The following ARHGAP32 variants were observed in gnomAD, a reference collection of about 807,000 sequenced individuals.
ARHGAP32 encodes the protein Rho GTPase activating protein 32.
Under a neutral mutation model 186.5 loss-of-function variants are expected in ARHGAP32, and 51 were observed. The observed-to-expected ratio is 0.27, with a 90% CI of 0.22 to 0.35. The LOEUF is 0.35. Among genes scored for constraint, ARHGAP32 ranks in the 10% least tolerant of loss-of-function variants. The pLI is 1.00. For missense variants in ARHGAP32, 2,186 were observed against 2,623.5 expected (o/e 0.83, Z 3.64); for synonymous variants, 950 against 964.3 (o/e 0.99, Z 0.27).
intron 5 of ARHGAP32, 78 bp from the exon 6 acceptor site, chr11:129,093,785 C>A: frequency 1.0e-6 from 1 of 964,130 alleles, no homozygotes; most frequent in Non-Finnish European, 1.6e-6. Flanking sequence ...ATTCATAATA[C>A]CTGGAGCATC....
At chr11:128,980,391 AAGCGGTAAGT>A in intron 18 of ARHGAP32, 152 bp downstream of exon 18, 1 of 487,532 alleles carries the variant, frequency 2.1e-6, no homozygotes. Context: ...ATTCCCCATG[AAGCGGTAAGT>A]ATCATCCATA....
intron 5 of ARHGAP32, among the ~76,000 whole-genome samples, chr11:129,108,374 A>G (rs1942109172): frequency 6.6e-6 from 1 of 152,190 alleles, no homozygotes; most frequent in African/African-American, 2.4e-5. Context: ...CAAAATAGAC[A>G]TTAGGACAAA....
chr11:129,278,774 G>C (rs1048360099), intron 1 of ARHGAP32, among the ~76,000 whole-genome samples: 2 of 151,698 alleles, frequency 1.3e-5, no homozygotes, highest in Admixed American at 6.6e-5. Context: ...CGGCTCCTCC[G>C]GGAGCGCCGG....
At chr11:129,207,426 C>G (rs1373134574) in intron 1 of ARHGAP32, among the ~76,000 whole-genome samples, 1 of 152,286 alleles carries the variant, frequency 6.6e-6, no homozygotes, top group African/African-American at 2.4e-5. Context: ...TTAATGATCG[C>G]CATTCTAACT....
chr11:129,246,722 T>C (rs570030820), intron 1 of ARHGAP32, among the ~76,000 whole-genome samples: 3 of 152,210 alleles, frequency 2.0e-5, no homozygotes, highest in Non-Finnish European at 4.4e-5. Flanking sequence ...TTTGGTTTGA[T>C]CCATTTTAGC....
At chr11:129,112,624 C>A (rs1250981871) in intron 5 of ARHGAP32, among the ~76,000 whole-genome samples, 1 of 152,140 alleles carries the variant, frequency 6.6e-6, no homozygotes, top group Non-Finnish European at 1.5e-5. Context: ...AACTCATCTG[C>A]TGCCTCTTGG....
rs1330257353 is a variant in ARHGAP32 at position 128,966,251 on chromosome 11, T to C, written c.*2656A>G. ...GTATAAGGCAGCTCCATTTCCTTGA[T>C]CATAATGCTCCATGTCAAAATTTGA... On this transcript the variant is annotated 3_prime_UTR_variant, in exon 23 of 23. Transcript: ENST00000682385. 1 of 152,240 alleles carries C rather than the reference T, an allele frequency of 6.6e-6. No homozygotes were observed. The highest frequency in any genetic ancestry group is 2.4e-5 in the African/African-American group (1 of 41,462). The allele number at this position is 152,240 out of a possible 1,614,324, so 9.4% of individuals were successfully genotyped here. A position where few individuals can be genotyped will look rare whatever the true frequency, so the allele number is the denominator to read the frequency against.
chr11:129,011,506 A>C (rs973554472), intron 11 of ARHGAP32, among the ~76,000 whole-genome samples: 3 of 152,208 alleles, frequency 2.0e-5, no homozygotes, highest in Admixed American at 2.0e-4. Context: ...GTCATATCTG[A>C]GCTGGAAGCC....
chr11:128,976,086 T>C (rs1481956364), intron 20 of ARHGAP32, among the ~76,000 whole-genome samples: 2 of 150,656 alleles, frequency 1.3e-5, no homozygotes, highest in Non-Finnish European at 3.0e-5. Flanking sequence ...AACATATATA[T>C]ATATATATAT....
At chr11:129,180,456 T>C (rs926062008) in intron 1 of ARHGAP32, among the ~76,000 whole-genome samples, 4 of 152,272 alleles carry the variant, frequency 2.6e-5, no homozygotes, top group African/African-American at 7.2e-5. Context: ...TATCAAGCTG[T>C]ACATTTATGA....
At chr11:129,089,808 TG>T (rs1436755141) in intron 6 of ARHGAP32, among the ~76,000 whole-genome samples, 12 of 152,208 alleles carry the variant, frequency 7.9e-5, no homozygotes, top group Non-Finnish European at 1.5e-4. Flanking sequence ...TGAGCTAGCT[TG>T]GTAACAATAA....
chr11:129,193,669 TATATAATATATA>T (rs1944339718), upstream of ARHGAP32, among the ~76,000 whole-genome samples: 3 of 43,326 alleles, frequency 6.9e-5, no homozygotes, highest in African/African-American at 2.7e-4. Context: ...ATATATATTA[TATATAATATATA>T]ATATATATTA....
At chr11:129,157,770 C>A (rs1943441027) in intron 2 of ARHGAP32, among the ~76,000 whole-genome samples, 1 of 152,074 alleles carries the variant, frequency 6.6e-6, no homozygotes, top group African/African-American at 2.4e-5. Flanking sequence ...CCCCAAGACA[C>A]ATAATTGTCA....
intron 2 of ARHGAP32, among the ~76,000 whole-genome samples, chr11:129,162,278 G>A (rs12292566): frequency 0.019 from 2,953 of 151,950 alleles, 50 homozygotes; most frequent in African/African-American, 0.041. Flanking sequence ...CATGTACTCC[G>A]GAACTTAAAA....
chr11:129,263,860 C>T (rs200914617), intron 1 of ARHGAP32, among the ~76,000 whole-genome samples: 1 of 152,030 alleles, frequency 6.6e-6, no homozygotes, highest in Non-Finnish European at 1.5e-5. Context: ...ATATAATTAC[C>T]ATGTGATCCA....
chr11:128,981,333 G>T, intron 17 of ARHGAP32, 83 bp downstream of exon 17: 2 of 1,423,672 alleles, frequency 1.4e-6, no homozygotes, highest in Admixed American at 2.3e-5. Flanking sequence ...CGTTTTTGTT[G>T]TTGCAATAAG....
intron 1 of ARHGAP32, among the ~76,000 whole-genome samples, chr11:129,172,614 CACATTAGA>C (rs1377961869): frequency 1.3e-5 from 2 of 152,304 alleles, no homozygotes; most frequent in Non-Finnish European, 2.9e-5. Context: ...ACAGTGCAAT[CACATTAGA>C]ACTCAAGATT....
chr11:129,128,923 C>T (rs1049820513), intron 2 of ARHGAP32, among the ~76,000 whole-genome samples: 8 of 152,274 alleles, frequency 5.3e-5, no homozygotes, highest in African/African-American at 1.9e-4. Flanking sequence ...GGCGTGATCT[C>T]GGCTCGCTAC....
At chr11:129,109,634 A>G (rs1423988420) in intron 5 of ARHGAP32, among the ~76,000 whole-genome samples, 2 of 152,026 alleles carry the variant, frequency 1.3e-5, no homozygotes, top group Non-Finnish European at 2.9e-5. Context: ...GTAAGATAAT[A>G]TAACTCATTG....
Sources: allele counts gnomAD v4.1 joint callset (sites outside exome capture counted in the v4.1 genomes callset), GRCh38; gene constraint gnomAD v4.1.1; transcripts MANE v1.5; gene names NCBI Gene and HGNC (gene_info 2026-07-23, HGNC 2026-07-21).